STPG1: variants seen among roughly 807,000 people sequenced by gnomAD.
STPG1 encodes the protein sperm tail PG-rich repeat containing 1.
Under a neutral mutation model 40.1 loss-of-function variants are expected in STPG1, and 33 were observed. The observed-to-expected ratio is 0.82, with a 90% confidence interval of 0.62 to 1.10. The LOEUF (loss-of-function observed/expected upper bound fraction) is 1.10, where lower values mean the gene tolerates loss of function less well. Ranked by LOEUF, STPG1 falls within the 50% of genes least tolerant of loss-of-function variation. The pLI, the probability that STPG1 is intolerant of heterozygous loss-of-function variation, is 0.00. For missense variants in STPG1, 396 were observed against 415.1 expected (o/e 0.95, Z 0.40); for synonymous variants, 150 against 155.0 (o/e 0.97, Z 0.24).
intron 5 of STPG1, 87 bp from the exon 6 acceptor site, chr1:24,373,897 T>TA (rs980378981): frequency 7.9e-5 from 78 of 993,204 alleles, no homozygotes; most frequent in Non-Finnish European, 1.0e-4. Context: ...CAAATCTACG[T>TA]AAAAAAAATC....
chr1:24,371,140 C>T (rs1641719947), intron 6 of STPG1, among the ~76,000 whole-genome samples: 1 of 152,168 alleles, frequency 6.6e-6, no homozygotes, highest in Non-Finnish European at 1.5e-5. Flanking sequence ...GGATGTTCTC[C>T]ACCACTCTAT....
Position 24,358,494 on chromosome 1 carries a change from G to T in STPG1, c.*49C>A. 6.8e-7 allele frequency: 1 copy of T among 1,473,958 alleles called. No homozygotes were observed. Among genetic ancestry groups the T allele is most frequent in the Non-Finnish European group, 9.5e-7 (1 of 1,052,102 alleles). 91.3% of individuals were successfully genotyped at this position (1,473,958 alleles called of 1,614,324 possible). On this transcript the variant is annotated 3_prime_UTR_variant, in exon 9 of 9. Coordinates refer to ENST00000337248, the MANE Select transcript of STPG1 (RefSeq NM_001199013.2). ...CCTGAGGAATGTCCTGGGGACGCTG[G>T]GCAGGGTGGGCTGGTGGCTGGAGTT... is the stretch of plus-strand genomic sequence containing the variant.
chr1:24,391,549 C>A lies in STPG1; in HGVS notation c.189+12G>T, dbSNP rs143632495. ...GACTAAAACGAAAGAACCCCTGAGA[C>A]AACGTCATTACCTTCTTATGAGGAA... On this transcript the variant is annotated intron_variant, in intron 3 of 8. Transcript: ENST00000337248. 8,578 of 1,468,838 alleles carry A rather than the reference C, an allele frequency of 5.8e-3. 599 individuals carry two copies. The Admixed American group carries it at 0.14, about 23-fold the overall frequency. The allele number at this position is 1,468,838 out of a possible 1,614,324, so 91.0% of individuals were successfully genotyped here.
In STPG1 at chr1:24,391,586, T is replaced by G. The variant is rs1322513903; in HGVS notation, c.164A>C (p.Gln55Pro). ...CTTCTTATGAGGAAATCTCTTGGCT[T>G]GACTATTGAATCCTTTTTTTTCTGA... Reference protein sequence around the residue: ...PESEKKGFNSQAKRFPHKKND... With the variant: ...PESEKKGFNSPAKRFPHKKND... The change falls in exon 3 of 9, where the codon CAA becomes CCA. Residue 55 changes from glutamine to proline, a missense_variant. Physicochemically the swap from Gln to Pro is moderately conservative, Grantham distance 76 (BLOSUM62 -1). Coordinates refer to ENST00000337248, the MANE Select transcript of STPG1 (RefSeq NM_001199013.2). 3 of 1,543,120 alleles carry G rather than the reference T, an allele frequency of 1.9e-6. No homozygotes were observed. The highest frequency in any genetic ancestry group is 2.7e-5 in the African/African-American group (2 of 72,890).
chr1:24,372,811 G>C (rs1336117999), intron 6 of STPG1, among the ~76,000 whole-genome samples: 3 of 152,168 alleles, frequency 2.0e-5, no homozygotes, highest in Non-Finnish European at 4.4e-5. Context: ...CCTGCTTCTG[G>C]GGCCCAAGGT....
chr1:24,358,432 C>A lies in STPG1; in HGVS notation c.*111G>T, dbSNP rs537074536. The A allele has an allele frequency of 3.2e-6, 3 of 925,590 alleles. No homozygotes were observed. Among genetic ancestry groups the A allele is most frequent in the East Asian group, 2.4e-5 (1 of 41,656 alleles). 57.3% of individuals were successfully genotyped at this position (925,590 alleles called of 1,614,324 possible). On this transcript the variant is annotated 3_prime_UTR_variant, in exon 9 of 9. Coordinates refer to ENST00000337248, the MANE Select transcript of STPG1 (RefSeq NM_001199013.2). ...CAGGCCAGAGTGGTAGAGCCACCCC[C>A]CAAGTTGTCAGCTGCCACACTCATG... is the stretch of plus-strand genomic sequence containing the variant.
intron 5 of STPG1, among the ~76,000 whole-genome samples, chr1:24,377,830 G>A (rs1038792236): frequency 2.6e-5 from 4 of 152,192 alleles, no homozygotes; most frequent in African/African-American, 9.7e-5. Context: ...GGTGCCCACT[G>A]AAGTGCAAAT....
At chr1:24,389,559 GCCTCGGTTT>G (rs1310615111) in intron 3 of STPG1, among the ~76,000 whole-genome samples, 2 of 152,128 alleles carry the variant, frequency 1.3e-5, no homozygotes, top group Non-Finnish European at 2.9e-5. Flanking sequence ...ACTTCCCTAA[GCCTCGGTTT>G]CCTCTTCTGT....
intron 1 of STPG1, among the ~76,000 whole-genome samples, chr1:24,408,808 C>T (rs1643506338): frequency 6.6e-6 from 1 of 152,114 alleles, no homozygotes; most frequent in Non-Finnish European, 1.5e-5. Flanking sequence ...TTTATATATA[C>T]TAATGAGTAA....
chr1:24,379,890 A>C, intron 4 of STPG1, 67 bp from the exon 5 acceptor site: 2 of 1,514,742 alleles, frequency 1.3e-6, no homozygotes, highest in Non-Finnish European at 1.8e-6. Context: ...GACAGATGTC[A>C]AAAAGATGGT....
intron 3 of STPG1, among the ~76,000 whole-genome samples, chr1:24,387,497 C>T (rs1042455384): frequency 6.6e-5 from 10 of 152,190 alleles, no homozygotes; most frequent in East Asian, 1.9e-4. Context: ...GCCTCCACCT[C>T]GGGAAGATGC....
chr1:24,393,309 T>C (rs1212549345), intron 2 of STPG1, among the ~76,000 whole-genome samples: 1 of 152,206 alleles, frequency 6.6e-6, no homozygotes, highest in East Asian at 1.9e-4. Context: ...TAGAAAATAT[T>C]TGGGGATACC....
intron 1 of STPG1, 36 bp downstream of exon 1, chr1:24,413,638 T>G (rs1643860199): frequency 6.6e-6 from 1 of 152,176 alleles, no homozygotes; most frequent in Admixed American, 6.5e-5. Context: ...CCCCACGACC[T>G]CAGGGACCGG....
chr1:24,373,827 C>G lies in STPG1; in HGVS notation c.463-17G>C. On this transcript the variant is annotated splice_polypyrimidine_tract_variant and intron_variant, in intron 5 of 8. Transcript: ENST00000337248. Reference sequence around the variant, plus strand: ...GACAGAGGCCTAGGGGGAGAAAATACACCCAATGTACTCAGTACCTTTCCT... The same window carrying G: ...GACAGAGGCCTAGGGGGAGAAAATAGACCCAATGTACTCAGTACCTTTCCT... 1 of 1,542,966 alleles carries G rather than the reference C, an allele frequency of 6.5e-7. No individual in the cohort carries two copies. The highest frequency in any genetic ancestry group is 9.0e-7 in the Non-Finnish European group (1 of 1,116,386).
intron 4 of STPG1, among the ~76,000 whole-genome samples, chr1:24,382,919 T>G (rs1642352668): frequency 6.8e-6 from 1 of 147,428 alleles, no homozygotes; most frequent in Admixed American, 6.7e-5. Flanking sequence ...TCTTTTCACT[T>G]TTTTTTTTTT....
chr1:24,373,158 G>C (rs1338522262), intron 6 of STPG1, among the ~76,000 whole-genome samples: 1 of 152,144 alleles, frequency 6.6e-6, no homozygotes, highest in Non-Finnish European at 1.5e-5. Context: ...TGAAAAGTAG[G>C]GCTAAGTGGA....
At chr1:24,401,033 T>C in intron 2 of STPG1, 1 of 334,428 alleles carries the variant, frequency 3.0e-6, no homozygotes. Flanking sequence ...TATCTAAATT[T>C]GAGGATAGAG....
chr1:24,380,843 G>C (rs1225223129), intron 4 of STPG1, among the ~76,000 whole-genome samples: 1 of 152,178 alleles, frequency 6.6e-6, no homozygotes, highest in African/African-American at 2.4e-5. Flanking sequence ...CTCCAACGCT[G>C]ATCTGTTCCT....
intron 3 of STPG1, among the ~76,000 whole-genome samples, chr1:24,388,259 C>T (rs1428239881): frequency 1.3e-5 from 2 of 152,130 alleles, no homozygotes; most frequent in Admixed American, 6.5e-5. Context: ...ACAGTGACCA[C>T]AATCCAGGGT....
Sources: gnomAD v4.1 joint callset for allele counts (sites outside exome capture counted in the v4.1 genomes callset) on GRCh38, gnomAD v4.1.1 for gene constraint, MANE v1.5 for transcripts, NCBI Gene and HGNC (gene_info 2026-07-23, HGNC 2026-07-21) for gene names.